WARS2: variants seen among roughly 807,000 people sequenced by gnomAD.
The protein encoded by WARS2 is tryptophan--tRNA ligase, mitochondrial.
A neutral mutation model predicts 36.5 loss-of-function variants in WARS2; 28 were observed. That is an observed-to-expected ratio of 0.77 (90% confidence interval 0.57 to 1.05). WARS2 has a LOEUF of 1.05. WARS2 is among the 50% of genes least tolerant of loss of function. WARS2 has a pLI of 0.00. For missense variants in WARS2, 435 were observed against 456.8 expected, an observed-to-expected ratio of 0.95 and a Z score of 0.44; for synonymous variants, 174 against 178.4, an observed-to-expected ratio of 0.98 and a Z score of 0.20.
At chr1:119,048,032 C>G (rs1208785707) in intron 2 of WARS2, among the ~76,000 whole-genome samples, 27 of 152,134 alleles carry the variant, frequency 1.8e-4, no homozygotes, top group Admixed American at 1.8e-3. Flanking sequence ...TTGTTGAATG[C>G]GTGGGCAATA....
At chr1:119,081,957 A>T (rs1207025259) in intron 1 of WARS2, among the ~76,000 whole-genome samples, 1 of 152,180 alleles carries the variant, frequency 6.6e-6, no homozygotes, top group East Asian at 1.9e-4. Flanking sequence ...CTCAGCACCA[A>T]GAAAAATGGG....
chr1:119,068,087 G>C (rs1651016269), intron 2 of WARS2, among the ~76,000 whole-genome samples: 1 of 152,280 alleles, frequency 6.6e-6, no homozygotes. Flanking sequence ...AGGAACTTTG[G>C]AGGTGATGCC....
intron 4 of WARS2, among the ~76,000 whole-genome samples, chr1:119,039,153 C>T (rs1452500464): frequency 6.6e-6 from 1 of 152,120 alleles, no homozygotes; most frequent in East Asian, 1.9e-4. Context: ...ATTTCATAGC[C>T]CTATTGTGAG....
chr1:119,034,017 A>G (rs775827941), intron 5 of WARS2, 78 bp downstream of exon 5: 190 of 1,305,232 alleles, frequency 1.5e-4, no homozygotes, highest in Non-Finnish European at 2.1e-4. Context: ...TAGTCCCAAG[A>G]AAGTTCCAAG....
At chr1:119,078,018 C>G (rs893127660) in intron 1 of WARS2, among the ~76,000 whole-genome samples, 2 of 152,090 alleles carry the variant, frequency 1.3e-5, no homozygotes, top group Admixed American at 6.5e-5. Flanking sequence ...ATTTTAATAC[C>G]TAATATGGTA....
At chr1:119,118,075 A>T (rs1027210810) in intron 1 of WARS2, among the ~76,000 whole-genome samples, 1 of 152,202 alleles carries the variant, frequency 6.6e-6, no homozygotes, top group Non-Finnish European at 1.5e-5. Flanking sequence ...CTCTAAACCA[A>T]GTAGAAATCT....
chr1:119,081,702 A>C (rs1465881439), intron 1 of WARS2, among the ~76,000 whole-genome samples: 1 of 152,212 alleles, frequency 6.6e-6, no homozygotes, highest in Non-Finnish European at 1.5e-5. Flanking sequence ...TAGCTCTGTT[A>C]GTGTTTCTCA....
chr1:119,100,530 G>A (rs1653779646), intron 1 of WARS2, among the ~76,000 whole-genome samples: 1 of 152,170 alleles, frequency 6.6e-6, no homozygotes, highest in Non-Finnish European at 1.5e-5. Flanking sequence ...GCAAAGCTAT[G>A]GAATCAATCT....
intron 2 of WARS2, among the ~76,000 whole-genome samples, chr1:119,058,928 GT>G (rs1650118962): frequency 6.6e-6 from 1 of 151,668 alleles, no homozygotes; most frequent in East Asian, 1.9e-4. Context: ...CCCACCAACA[GT>G]GTAAAAGTGT....
intron 2 of WARS2, among the ~76,000 whole-genome samples, chr1:119,068,402 C>T (rs1651041282): frequency 1.3e-5 from 2 of 152,138 alleles, no homozygotes; most frequent in South Asian, 4.1e-4. Context: ...GAAACCAATT[C>T]CTCCATTGCC....
At chr1:119,123,876 T>A (rs587601497) in intron 1 of WARS2, among the ~76,000 whole-genome samples, 23 of 152,032 alleles carry the variant, frequency 1.5e-4, no homozygotes, top group Admixed American at 9.8e-4. Context: ...TTCAGCACAG[T>A]CTATACTGAG....
chr1:119,072,006 T>G (rs1439435050), intron 2 of WARS2, among the ~76,000 whole-genome samples: 1 of 152,220 alleles, frequency 6.6e-6, no homozygotes, highest in African/African-American at 2.4e-5. Flanking sequence ...TTCTTGATTT[T>G]TGTATTACAA....
At chr1:119,064,334 T>G (rs1377049490) in intron 2 of WARS2, 1 of 152,240 alleles carries the variant, frequency 6.6e-6, no homozygotes, top group African/African-American at 2.4e-5. Context: ...TACAGGCTCA[T>G]AGGCAGAAGG....
intron 1 of WARS2, chr1:119,127,143 G>A: frequency 1.4e-6 from 1 of 729,006 alleles, no homozygotes; most frequent in South Asian, 1.4e-5. Context: ...TTGGGTCCTG[G>A]TGACTAGCAT....
intron 1 of WARS2, chr1:119,127,364 G>A: frequency 2.5e-6 from 1 of 396,034 alleles, no homozygotes; most frequent in South Asian, 2.1e-5. Flanking sequence ...AAAAATTAAG[G>A]CACAGAAAAA....
At chr1:119,040,018 A>G (rs931424739) in intron 4 of WARS2, among the ~76,000 whole-genome samples, 5 of 152,364 alleles carry the variant, frequency 3.3e-5, no homozygotes, top group Middle Eastern at 3.4e-3. Context: ...AAATAAAAAT[A>G]CCTTCAAGTG....
intron 2 of WARS2, among the ~76,000 whole-genome samples, chr1:119,046,309 T>G (rs1282431294): frequency 1.1e-5 from 1 of 89,048 alleles, no homozygotes; most frequent in African/African-American, 4.4e-5. Flanking sequence ...TTTTTTTTTT[T>G]AAGAAGAAGT....
rs1046598440 is a variant in WARS2, at chr1:119,033,006, G to T, written c.988C>A (p.His330Asn). Reference protein sequence around the residue: ...EIEKLKLDKDHLEKVLQIGSA... With the variant: ...EIEKLKLDKDNLEKVLQIGSA... ...CCAATTTGTAAAACCTTCTCTAAAT[G>T]GTCCTTGTCCAGCTTCAGTTTTTCA... Residue 330 changes from histidine to asparagine, a missense_variant, in exon 6 of 6, where the codon CAT becomes AAT. By Grantham distance (68) the His-to-Asn change is moderately conservative. Transcript: ENST00000235521. 6.2e-7 allele frequency: 1 copy of T among 1,614,068 alleles called. No individual in the cohort carries two copies. Among genetic ancestry groups the T allele is most frequent in the Non-Finnish European group, 8.5e-7 (1 of 1,180,046 alleles).
At chr1:119,095,784 T>G (rs1235903925) in intron 1 of WARS2, among the ~76,000 whole-genome samples, 1 of 152,220 alleles carries the variant, frequency 6.6e-6, no homozygotes, top group Admixed American at 6.5e-5. Context: ...GTCATATCTT[T>G]GAGCCTCTTA....
Sources: gnomAD v4.1 joint callset for allele counts (sites outside exome capture counted in the v4.1 genomes callset) on GRCh38, gnomAD v4.1.1 for gene constraint, MANE v1.5 for transcripts, NCBI Gene and HGNC (gene_info 2026-07-23, HGNC 2026-07-21) for gene names.